SMURF1: variants seen among roughly 807,000 people sequenced by gnomAD.
SMURF1 encodes the protein E3 ubiquitin-protein ligase SMURF1.
A neutral mutation model predicts 98.0 loss-of-function variants in SMURF1; 44 were observed. The ratio of observed to expected loss-of-function variants is 0.45; its 90% CI spans 0.35 to 0.58. The LOEUF is 0.58. Among genes scored for constraint, SMURF1 ranks in the 20% least tolerant of loss-of-function variants. The pLI is 0.00. For synonymous variants in SMURF1, 396 were observed against 374.9 expected (o/e 1.06, Z -0.65); for missense variants, 687 against 938.4 (o/e 0.73, Z 3.50).
chr7:99,060,307 A>G (rs1795998745), intron 3 of SMURF1, among the ~76,000 whole-genome samples: 1 of 143,814 alleles, frequency 7.0e-6, no homozygotes, highest in Non-Finnish European at 1.5e-5. Context: ...TGTACCCGGG[A>G]GGCGGAGGTT....
chr7:99,051,482 T>G, intron 7 of SMURF1, 41 bp from the exon 8 acceptor site: 1 of 1,528,714 alleles, frequency 6.5e-7, no homozygotes. Flanking sequence ...CAAGTTCAAT[T>G]CCAGGGAGAG....
intron 6 of SMURF1, among the ~76,000 whole-genome samples, chr7:99,053,018 T>C (rs911627826): frequency 1.3e-5 from 2 of 152,108 alleles, no homozygotes; most frequent in African/African-American, 4.8e-5. Context: ...GATTGTGCCA[T>C]TGTACTCCAG....
chr7:99,084,393 G>A (rs918378838), intron 1 of SMURF1, among the ~76,000 whole-genome samples: 5 of 152,070 alleles, frequency 3.3e-5, no homozygotes, highest in African/African-American at 1.2e-4. Flanking sequence ...ATCCGCCCGA[G>A]GGTTGAACAA....
intron 1 of SMURF1, among the ~76,000 whole-genome samples, chr7:99,142,685 T>G (rs1032387036): frequency 0.013 from 47 of 3,714 alleles, no homozygotes; most frequent in Middle Eastern, 0.17. Flanking sequence ...GAGAAGAGGG[T>G]GGGTGGGGGC....
chr7:99,035,503 C>T lies in SMURF1; in HGVS notation c.2011+12G>A. 14 of 1,614,018 alleles carry T rather than the reference C, an allele frequency of 8.7e-6. No individual in the cohort carries two copies. Among genetic ancestry groups the T allele is most frequent in the Non-Finnish European group, 1.2e-5 (14 of 1,180,016 alleles). ...ACGCGTCATCGAATAGCCCTGCCTC[C>T]ACGTCAGTCACCTTGCAAAGCCTTG... On this transcript the variant is annotated intron_variant, in intron 16 of 17. Transcript: ENST00000361368.
intron 1 of SMURF1, among the ~76,000 whole-genome samples, chr7:99,082,523 T>C (rs915078042): frequency 2.0e-5 from 3 of 152,236 alleles, no homozygotes; most frequent in African/African-American, 7.2e-5. Flanking sequence ...CAACTGACCA[T>C]AAATATGAGG....
chr7:99,052,378 G>C lies in SMURF1; in HGVS notation c.548C>G (p.Thr183Arg). Residue 183 changes from threonine to arginine, a missense_variant, in exon 7 of 18, where the codon ACA becomes AGA. Around this residue, in one of 2 missense-constraint regions of SMURF1, gnomAD observed 415 missense variants for 508.4 expected, o/e 0.82. Coordinates refer to ENST00000361368, the MANE Select transcript of SMURF1 (RefSeq NM_181349.3). ...SCFMEEPAPY[T>R]DSTGAAAGGG... ...TCCAGCAGCAGCACCGGTGCTATCTGTGTAAGGGGCTGGTTCCTCCATGAA... is the reference window on the plus strand; with the variant it reads ...TCCAGCAGCAGCACCGGTGCTATCTCTGTAAGGGGCTGGTTCCTCCATGAA... The C allele has an allele frequency of 6.2e-7, 1 of 1,611,842 alleles. No homozygotes were observed. Among genetic ancestry groups the C allele is most frequent in the Non-Finnish European group, 8.5e-7 (1 of 1,178,802 alleles).
At chr7:99,051,920 G>C (rs1418934636) in intron 7 of SMURF1, among the ~76,000 whole-genome samples, 1 of 152,184 alleles carries the variant, frequency 6.6e-6, no homozygotes, top group African/African-American at 2.4e-5. Flanking sequence ...GGCTGAGGCA[G>C]GTGGATCACT....
intron 16 of SMURF1, among the ~76,000 whole-genome samples, chr7:99,034,133 T>A (rs1795028129): frequency 6.6e-6 from 1 of 152,060 alleles, no homozygotes; most frequent in African/African-American, 2.4e-5. Flanking sequence ...GGCCACACCC[T>A]CCAAGCCCCA....
chr7:99,120,950 C>A (rs573440964), intron 1 of SMURF1, among the ~76,000 whole-genome samples: 1 of 150,290 alleles, frequency 6.7e-6, no homozygotes, highest in African/African-American at 2.4e-5. Flanking sequence ...TATACAAAAA[C>A]TTTTAGGGAA....
At chr7:99,050,896 G>A (rs753920049) in intron 8 of SMURF1, 9 of 1,014,774 alleles carry the variant, frequency 8.9e-6, no homozygotes, top group African/African-American at 4.4e-5. Flanking sequence ...TTATGGGGTG[G>A]GGGGGGGGTC....
chr7:99,082,359 G>T (rs1030305464), intron 1 of SMURF1, among the ~76,000 whole-genome samples: 2 of 152,206 alleles, frequency 1.3e-5, no homozygotes, highest in South Asian at 2.1e-4. Flanking sequence ...CTAGACCAAA[G>T]TATTGAAGAT....
At chr7:99,061,887 A>G (rs559613064) in intron 1 of SMURF1, 50 bp from the exon 2 acceptor site, 16 of 1,355,014 alleles carry the variant, frequency 1.2e-5, no homozygotes, top group East Asian at 2.3e-5. Context: ...CGAGATTTCC[A>G]TAATAGCTAA....
chr7:99,068,775 G>A (rs1263156581), intron 1 of SMURF1, among the ~76,000 whole-genome samples: 1 of 152,044 alleles, frequency 6.6e-6, no homozygotes, highest in Non-Finnish European at 1.5e-5. Flanking sequence ...TATTCCTCAT[G>A]GTATAGCTTG....
chr7:99,041,047 G>A (rs771575938), intron 12 of SMURF1, among the ~76,000 whole-genome samples: 5 of 152,308 alleles, frequency 3.3e-5, no homozygotes, highest in African/African-American at 1.2e-4. Flanking sequence ...GGGAGGGAGG[G>A]AAGAAATGCT....
Position 99,033,063 on chromosome 7 carries a change from T to G in SMURF1, c.2070A>C (p.Thr690=). 1 of 1,593,914 alleles carries G rather than the reference T, an allele frequency of 6.3e-7. No homozygotes were observed. Among genetic ancestry groups the G allele is most frequent in the Non-Finnish European group, 8.6e-7 (1 of 1,169,530 alleles). The stretch of plus-strand genomic sequence containing the variant: ...AGGTATGGGCCTTCGGAAGGTTGTC[T>G]GTGTTCGCGTCTATCAGGTGGATGG... The part of the protein sequence containing the change: ...LFTIHLIDAN[T]DNLPKAHTCF... Residue 690 remains threonine, a synonymous_variant, in exon 17 of 18, where the codon ACA becomes ACC. Coordinates refer to ENST00000361368, the MANE Select transcript of SMURF1 (RefSeq NM_181349.3).
intron 1 of SMURF1, among the ~76,000 whole-genome samples, chr7:99,111,554 A>G (rs1454363418): frequency 2.0e-5 from 3 of 152,248 alleles, no homozygotes; most frequent in East Asian, 1.9e-4. Context: ...CTGTCACTCT[A>G]TTAAAAACAA....
intron 11 of SMURF1, among the ~76,000 whole-genome samples, 190 bp from the exon 12 acceptor site, chr7:99,042,422 C>T (rs949784404): frequency 6.6e-6 from 1 of 152,098 alleles, no homozygotes; most frequent in Admixed American, 6.6e-5. Flanking sequence ...TACAGGCATG[C>T]GCCACCAGGC....
At chr7:99,056,683 G>A (rs904228254) in intron 5 of SMURF1, among the ~76,000 whole-genome samples, 2 of 152,042 alleles carry the variant, frequency 1.3e-5, no homozygotes, top group South Asian at 4.1e-4. Context: ...TTCTGTACCC[G>A]AGTCATTTTT....
Sources: gnomAD v4.1 joint callset for allele counts (sites outside exome capture counted in the v4.1 genomes callset) on GRCh38, gnomAD v4.1.1 for gene constraint, gnomAD v4.1.1 regional missense constraint, MANE v1.5 for transcripts, NCBI Gene and HGNC (gene_info 2026-07-23, HGNC 2026-07-21) for gene names.